MECOM: variants seen among roughly 807,000 people sequenced by gnomAD.
MECOM encodes MDS1 and EVI1 complex locus, also known as histone-lysine N-methyltransferase MECOM.
A neutral mutation model predicts 116.3 loss-of-function variants in MECOM; 13 were observed. The observed-to-expected ratio is 0.11, with a 90% confidence interval of 0.07 to 0.18. The LOEUF (loss-of-function observed/expected upper bound fraction) is 0.18. Among genes scored for constraint, MECOM ranks in the 10% least tolerant of loss-of-function variants. MECOM has a pLI of 1.00. For synonymous variants in MECOM, 528 were observed against 535.2 expected, an observed-to-expected ratio of 0.99 and a Z score of 0.19; for missense variants, 1,299 against 1,509.0, an observed-to-expected ratio of 0.86 and a Z score of 2.31.
At chr3:169,108,522 T>C (rs1726204922) in intron 9 of MECOM, among the ~76,000 whole-genome samples, 1 of 152,120 alleles carries the variant, frequency 6.6e-6, no homozygotes, top group South Asian at 2.1e-4. Context: ...TAATGACAAA[T>C]TCTGACAAGA....
chr3:169,396,324 A>G (rs887041318), intron 1 of MECOM, among the ~76,000 whole-genome samples: 33 of 152,174 alleles, frequency 2.2e-4, no homozygotes, highest in African/African-American at 7.2e-4. Flanking sequence ...CTTTATTCAT[A>G]TTTGATGCTG....
chr3:169,193,346 T>C (rs146700225), intron 2 of MECOM, among the ~76,000 whole-genome samples: 2 of 152,134 alleles, frequency 1.3e-5, no homozygotes, highest in East Asian at 1.9e-4. Flanking sequence ...AAAAAAATAG[T>C]TCTCAACTCT....
At chr3:169,191,675 A>G (rs1433447141) in intron 2 of MECOM, among the ~76,000 whole-genome samples, 1 of 100,564 alleles carries the variant, frequency 9.9e-6, no homozygotes, top group African/African-American at 5.1e-5. Flanking sequence ...ACAGAGAGAA[A>G]GAAGAAGGAA....
chr3:169,349,573 G>C (rs1725950613), intron 2 of MECOM, among the ~76,000 whole-genome samples: 1 of 151,684 alleles, frequency 6.6e-6, no homozygotes, highest in Non-Finnish European at 1.5e-5. Context: ...GACTCAAATT[G>C]CCCCACCTCA....
intron 1 of MECOM, among the ~76,000 whole-genome samples, chr3:169,480,864 C>T (rs999665595): frequency 6.6e-6 from 1 of 151,552 alleles, no homozygotes; most frequent in African/African-American, 2.4e-5. Flanking sequence ...TTAAAAGATG[C>T]CATTTTTCCT....
intron 1 of MECOM, among the ~76,000 whole-genome samples, chr3:169,661,674 A>G (rs73882106): frequency 2.0e-5 from 3 of 152,094 alleles, no homozygotes; most frequent in Non-Finnish European, 4.4e-5. Flanking sequence ...GCCGACTCCA[A>G]TGCCCGCGAA....
At chr3:169,553,748 TTCTCTCTGTGTC>T (rs1761684198) in intron 1 of MECOM, among the ~76,000 whole-genome samples, 1 of 152,202 alleles carries the variant, frequency 6.6e-6, no homozygotes, top group African/African-American at 2.4e-5. Context: ...GATGATCACT[TTCTCTCTGTGTC>T]CTCATGTGGT....
intron 2 of MECOM, among the ~76,000 whole-genome samples, chr3:169,211,300 A>T (rs1427420924): frequency 6.6e-6 from 1 of 152,176 alleles, no homozygotes; most frequent in Admixed American, 6.6e-5. Flanking sequence ...CATGATCTCA[A>T]TGATGAGATT....
intron 6 of MECOM, 96 bp downstream of exon 6, chr3:169,122,484 C>T: frequency 1.4e-6 from 2 of 1,399,956 alleles, no homozygotes; most frequent in South Asian, 1.3e-5. Context: ...TATAGTTTCC[C>T]CTCTGAAGGC....
intron 1 of MECOM, among the ~76,000 whole-genome samples, chr3:169,382,670 G>A (rs1302678012): frequency 5.3e-5 from 8 of 151,688 alleles, no homozygotes; most frequent in East Asian, 1.9e-4. Context: ...AACAGACTTC[G>A]ATCGAGCTAG....
At chr3:169,112,581 T>C (rs1294665399) in intron 9 of MECOM, among the ~76,000 whole-genome samples, 1 of 152,200 alleles carries the variant, frequency 6.6e-6, no homozygotes, top group African/African-American at 2.4e-5. Flanking sequence ...CATTTAACAC[T>C]GAAATCATGT....
At chr3:169,191,782 G>A (rs1214105180) in intron 2 of MECOM, among the ~76,000 whole-genome samples, 1 of 143,672 alleles carries the variant, frequency 7.0e-6, no homozygotes, top group African/African-American at 2.7e-5. Flanking sequence ...AAGAAAGAAA[G>A]AAAGAAAGAA....
intron 2 of MECOM, among the ~76,000 whole-genome samples, chr3:169,284,105 T>G (rs549888131): frequency 6.6e-6 from 1 of 152,318 alleles, no homozygotes; most frequent in Non-Finnish European, 1.5e-5. Flanking sequence ...TTGTGCCCAG[T>G]CTTCTCTGCT....
At chr3:169,593,239 T>A (rs1766647336) in intron 1 of MECOM, among the ~76,000 whole-genome samples, 1 of 152,144 alleles carries the variant, frequency 6.6e-6, no homozygotes, top group Admixed American at 6.5e-5. Context: ...CGCAGAAATG[T>A]TGTAGCCTCA....
At chr3:169,646,492 G>T (rs1030344508) in intron 1 of MECOM, among the ~76,000 whole-genome samples, 3 of 152,080 alleles carry the variant, frequency 2.0e-5, no homozygotes, top group Non-Finnish European at 4.4e-5. Context: ...AATTAAAAAA[G>T]AACTAGATCT....
At chr3:169,636,818 G>A (rs533132861) in intron 1 of MECOM, among the ~76,000 whole-genome samples, 42 of 152,320 alleles carry the variant, frequency 2.8e-4, no homozygotes, top group African/African-American at 9.1e-4. Flanking sequence ...CCATGATCTA[G>A]AGCAAACACG....
intron 2 of MECOM, among the ~76,000 whole-genome samples, chr3:169,256,431 T>C (rs1577485792): frequency 1.3e-5 from 2 of 152,134 alleles, no homozygotes; most frequent in African/African-American, 4.8e-5. Flanking sequence ...CAAGGTTATA[T>C]ATGTCATCCT....
At chr3:169,426,381 A>C (rs546181928) in intron 1 of MECOM, among the ~76,000 whole-genome samples, 1 of 152,292 alleles carries the variant, frequency 6.6e-6, no homozygotes, top group East Asian at 1.9e-4. Flanking sequence ...TCTAAGCTAA[A>C]AGTTACAGCA....
At chr3:169,355,160 T>C (rs1269223929) in intron 2 of MECOM, among the ~76,000 whole-genome samples, 1 of 151,946 alleles carries the variant, frequency 6.6e-6, no homozygotes, top group Non-Finnish European at 1.5e-5. Flanking sequence ...TCAGCATGAG[T>C]GCGATTAGCA....
Sources: allele counts gnomAD v4.1 joint callset (sites outside exome capture counted in the v4.1 genomes callset), GRCh38; gene constraint gnomAD v4.1.1; transcripts MANE v1.5; gene names NCBI Gene and HGNC (gene_info 2026-07-23, HGNC 2026-07-21).